Variants in PCCA observed in about 807,000 individuals in gnomAD.
The protein encoded by PCCA is propionyl-CoA carboxylase subunit alpha.
PCCA carries 74 observed loss-of-function variants against 101.3 expected under a neutral mutation model. The ratio of observed to expected loss-of-function variants is 0.73; its 90% CI spans 0.61 to 0.89. The LOEUF is 0.89. PCCA is among the 40% of genes least tolerant of loss of function. The pLI is 0.00. For synonymous variants in PCCA, 294 were observed against 313.6 expected, an observed-to-expected ratio of 0.94 and a Z score of 0.66; for missense variants, 891 against 907.0, an observed-to-expected ratio of 0.98 and a Z score of 0.23.
chr13:100,191,578 C>T (rs1325314485), intron 6 of PCCA, among the ~76,000 whole-genome samples: 1 of 152,238 alleles, frequency 6.6e-6, no homozygotes, highest in African/African-American at 2.4e-5. Flanking sequence ...GCAGGCTCCA[C>T]AGTCCCTGTT....
At chr13:100,214,192 A>G (rs1212647591) in intron 7 of PCCA, among the ~76,000 whole-genome samples, 2 of 151,888 alleles carry the variant, frequency 1.3e-5, no homozygotes, top group African/African-American at 2.4e-5. Flanking sequence ...AGCTTTGCCT[A>G]TCCTGGGTCT....
At chr13:100,244,427 T>G (rs1328945175) in intron 8 of PCCA, among the ~76,000 whole-genome samples, 1 of 152,190 alleles carries the variant, frequency 6.6e-6, no homozygotes, top group African/African-American at 2.4e-5. Context: ...TTTTCTGTCT[T>G]TTACTGTTAA....
At chr13:100,524,374 C>CGTGTGTGTGTGTGT (rs1210676697) in intron 22 of PCCA, among the ~76,000 whole-genome samples, 13,864 of 138,798 alleles carry the variant, frequency 0.1, 837 homozygotes, top group Admixed American at 0.16. Context: ...CAATTAAGCT[C>CGTGTGTGTGTGTGT]GTGTGTGTGT....
At position 100,340,207 on chromosome 13, in the gene PCCA, T is replaced by C. The variant is rs1234767035; in HGVS notation, c.1591T>C (p.Ser531Pro). 7.4e-6 allele frequency: 12 copies of C among 1,611,924 alleles called. No homozygotes were observed. Among genetic ancestry groups the C allele is most frequent in the Non-Finnish European group, 9.3e-6 (11 of 1,178,076 alleles). Residue 531 changes from serine (S) to proline (P), a missense_variant, in exon 18 of 24, where the codon TCA becomes CCA. By Grantham distance (74) the Ser-to-Pro change is moderately conservative. Transcript: ENST00000376285. ...EKNQLLAIASSLFVAFQLRAQ... is the reference protein window; with the variant it reads ...EKNQLLAIASPLFVAFQLRAQ... The stretch of plus-strand genomic sequence containing the variant: ...GAACCAGTTATTGGCAATAGCATCA[T>C]CATTGTTTGTGGCATTCCAGTTAAG...
intron 18 of PCCA, among the ~76,000 whole-genome samples, chr13:100,341,957 G>GTATGTATATATATATATA (rs1555426163): frequency 3.7e-5 from 4 of 107,172 alleles, no homozygotes; most frequent in African/African-American, 1.7e-4. Flanking sequence ...ACCCTTCAAA[G>GTATGTATATATATATATA]TATATATATA....
chr13:100,349,380 G>A (rs2072979691), intron 18 of PCCA, among the ~76,000 whole-genome samples: 1 of 152,180 alleles, frequency 6.6e-6, no homozygotes, highest in Non-Finnish European at 1.5e-5. Context: ...ACCCACCTCG[G>A]CCTCCCAAAG....
chr13:100,278,653 TATTTTTAGTA>T (rs538886698), intron 12 of PCCA, among the ~76,000 whole-genome samples: 49 of 152,166 alleles, frequency 3.2e-4, no homozygotes, highest in Non-Finnish European at 6.2e-4. Flanking sequence ...CTAATTTTTG[TATTTTTAGTA>T]GAGACAGGGT....
intron 19 of PCCA, among the ~76,000 whole-genome samples, chr13:100,370,875 T>A (rs893618691): frequency 1.3e-5 from 2 of 152,022 alleles, no homozygotes; most frequent in Non-Finnish European, 2.9e-5. Flanking sequence ...AAGAAAAAAA[T>A]TAGCCTACAG....
intron 16 of PCCA, among the ~76,000 whole-genome samples, chr13:100,321,406 T>C (rs1174897207): frequency 1.3e-5 from 2 of 152,186 alleles, no homozygotes; most frequent in African/African-American, 4.8e-5. Flanking sequence ...CCACATTTTT[T>C]CAATGATTTC....
chr13:100,330,693 T>C, intron 17 of PCCA, 22 bp downstream of exon 17: 1 of 1,349,994 alleles, frequency 7.4e-7, no homozygotes, highest in South Asian at 1.2e-5. Flanking sequence ...TTAAAATATT[T>C]TAGTGTTTTA....
intron 19 of PCCA, among the ~76,000 whole-genome samples, chr13:100,385,829 C>T (rs2076469904): frequency 6.6e-6 from 1 of 152,142 alleles, no homozygotes; most frequent in African/African-American, 2.4e-5. Context: ...CCAGGCTGGT[C>T]TCGAACTCCT....
chr13:100,139,236 T>C (rs2051569092), intron 4 of PCCA, among the ~76,000 whole-genome samples: 3 of 152,058 alleles, frequency 2.0e-5, no homozygotes, highest in African/African-American at 4.8e-5. Flanking sequence ...CTGTTTGAGA[T>C]TCACTGACCT....
intron 7 of PCCA, among the ~76,000 whole-genome samples, chr13:100,213,068 T>C (rs867150009): frequency 2.0e-5 from 3 of 152,338 alleles, no homozygotes; most frequent in Non-Finnish European, 4.4e-5. Context: ...TGACAGGACC[T>C]CATTCTTTTT....
At chr13:100,360,863 T>G (rs1251616366) in intron 18 of PCCA, among the ~76,000 whole-genome samples, 1 of 152,188 alleles carries the variant, frequency 6.6e-6, no homozygotes, top group Non-Finnish European at 1.5e-5. Context: ...ACGTGAATGC[T>G]TACAGCAGTT....
intron 6 of PCCA, among the ~76,000 whole-genome samples, chr13:100,200,325 C>T (rs951167747): frequency 6.6e-6 from 1 of 152,090 alleles, no homozygotes; most frequent in Non-Finnish European, 1.5e-5. Context: ...AGAATGGTCT[C>T]GATTTCCTGA....
At chr13:100,293,344 GA>G in intron 12 of PCCA, 2 of 408,058 alleles carry the variant, frequency 4.9e-6, no homozygotes, top group South Asian at 3.6e-5. Flanking sequence ...TTATATTCCA[GA>G]AAGATTTTAG....
intron 9 of PCCA, among the ~76,000 whole-genome samples, chr13:100,259,366 T>G (rs538731633): frequency 5.0e-4 from 65 of 128,746 alleles, no homozygotes; most frequent in Non-Finnish European, 8.8e-4. Context: ...ACAGAGTCTC[T>G]CTCTGTCGCC....
intron 21 of PCCA, among the ~76,000 whole-genome samples, chr13:100,454,114 TCCACCCG>T (rs1472045360): frequency 6.6e-6 from 1 of 151,610 alleles, no homozygotes; most frequent in Non-Finnish European, 1.5e-5. Context: ...CTCATCATGA[TCCACCCG>T]CCTCAGCTTC....
At chr13:100,490,677 A>T (rs2084840557) in intron 21 of PCCA, 1 of 152,204 alleles carries the variant, frequency 6.6e-6, no homozygotes, top group Admixed American at 6.5e-5. Flanking sequence ...GTTTTAGCAC[A>T]TTTCCATCAC....
Sources: gnomAD v4.1 joint callset for allele counts (sites outside exome capture counted in the v4.1 genomes callset) on GRCh38, gnomAD v4.1.1 for gene constraint, MANE v1.5 for transcripts, NCBI Gene and HGNC (gene_info 2026-07-23, HGNC 2026-07-21) for gene names.